CDK12: variants seen among roughly 807,000 people sequenced by gnomAD.
CDK12 encodes cyclin dependent kinase 12.
A neutral mutation model predicts 133.8 loss-of-function variants in CDK12; 17 were observed. The ratio of observed to expected loss-of-function variants is 0.13; its 90% confidence interval spans 0.09 to 0.19. The LOEUF (loss-of-function observed/expected upper bound fraction) is 0.19, where lower values mean the gene tolerates loss of function less well. Ranked by LOEUF, CDK12 falls within the 10% of genes least tolerant of loss-of-function variation. CDK12 has a pLI of 1.00. For missense variants in CDK12, 1,508 were observed against 1,818.7 expected (o/e 0.83, Z 3.11); for synonymous variants, 694 against 683.6 (o/e 1.02, Z -0.24).
chr17:39,531,003 G>A lies in CDK12; in HGVS notation c.4160G>A (p.Ser1387Asn), dbSNP rs2146841075. The part of the protein sequence containing the change: ...SGSLSHLGES[S>N]SYQGTGSVQF... ...TCTCTGAGCCACCTTGGGGAGTCCA[G>A]CAGTTACCAGGGCACAGGGTCAGTG... Residue 1387 changes from serine (S) to asparagine (N), a missense_variant, in exon 14 of 14, where the codon AGC becomes AAC. By Grantham distance (46) the Ser-to-Asn change is conservative. This residue lies in a region of CDK12 where 399 missense variants were observed against 469.6 expected (regional missense o/e 0.85). Transcript: ENST00000447079. 1 of 1,614,228 alleles carries A rather than the reference G, an allele frequency of 6.2e-7. No individual in the cohort carries two copies. Among genetic ancestry groups the A allele is most frequent in the Admixed American group, 1.7e-5 (1 of 60,026 alleles).
At chr17:39,479,357 A>G (rs2145470745) in intron 2 of CDK12, among the ~76,000 whole-genome samples, 1 of 151,186 alleles carries the variant, frequency 6.6e-6, no homozygotes, top group African/African-American at 2.4e-5. Flanking sequence ...GAGCTCACTT[A>G]TATTCTCTGT....
At position 39,517,462 on chromosome 17, in the gene CDK12, C is replaced by G. The variant is rs1457835050; in HGVS notation, c.2869C>G (p.Pro957Ala). The G allele has an allele frequency of 6.2e-7, 1 of 1,612,744 alleles. No homozygotes were observed. The highest frequency in any genetic ancestry group is 8.5e-7 in the Non-Finnish European group (1 of 1,178,860). The part of the protein sequence containing the change: ...LISRLCGSPC[P>A]AVWPDVIKLP... ...CAGCCGACTTTGTGGTAGCCCTTGT[C>G]CAGCTGTGTGGCCTGATGTTATCAA... The change falls in exon 10 of 14, where the codon CCA becomes GCA. Residue 957 changes from proline to alanine, a missense_variant. Transcript: ENST00000447079.
intron 3 of CDK12, among the ~76,000 whole-genome samples, chr17:39,562,180 C>T (rs1284890321): frequency 6.6e-6 from 1 of 152,186 alleles, no homozygotes; most frequent in Non-Finnish European, 1.5e-5. Flanking sequence ...CCTCGTGATC[C>T]ACCCGCCTCA....
intron 13 of CDK12, 190 bp from the exon 14 acceptor site, chr17:39,530,414 C>A: frequency 1.4e-6 from 1 of 692,052 alleles, no homozygotes; most frequent in Non-Finnish European, 2.2e-6. Context: ...CTGTTAGATC[C>A]AGGATGCAAC....
rs551024082 is a variant in CDK12 at position 39,486,697 on chromosome 17, A to C, written c.1932-3860A>C. Among the ~76,000 whole-genome samples, 70 of 152,238 alleles carry C rather than the reference A, an allele frequency of 4.6e-4. No homozygotes were observed. In the South Asian group the frequency reaches 0.013, roughly 28 times the overall value. On this transcript the variant is annotated intron_variant, in intron 2 of 13. Coordinates refer to ENST00000447079, the MANE Select transcript of CDK12 (RefSeq NM_016507.4). ...AAGTTTTTTTTCGCTGAACATCTTA[A>C]AAATTAGAATAATTTAAAAAATCTA...
chr17:39,511,643 T>G lies in CDK12; in HGVS notation c.2768+13T>G, dbSNP rs773061459. On this transcript the variant is annotated intron_variant, in intron 8 of 13. Transcript: ENST00000447079. Reference sequence around the variant, plus strand: ...TTTGGAGCTGTGGGTAAGGTTCTGTTAACTTTTTCTTTTGTCTGTAACTTA... The same window carrying G: ...TTTGGAGCTGTGGGTAAGGTTCTGTGAACTTTTTCTTTTGTCTGTAACTTA... 1 of 1,569,292 alleles carries G rather than the reference T, an allele frequency of 6.4e-7. No individual in the cohort carries two copies. Among genetic ancestry groups the G allele is most frequent in the East Asian group, 2.2e-5 (1 of 44,646 alleles).
chr17:39,497,682 C>T (rs1299581774), intron 5 of CDK12, among the ~76,000 whole-genome samples: 1 of 151,740 alleles, frequency 6.6e-6, no homozygotes, highest in East Asian at 1.9e-4. Flanking sequence ...TAGCTCATTA[C>T]ATCCTCAACC....
intron 2 of CDK12, among the ~76,000 whole-genome samples, chr17:39,555,263 T>A (rs2056110500): frequency 1.3e-5 from 2 of 152,034 alleles, no homozygotes; most frequent in South Asian, 4.1e-4. Context: ...AAAAAATAAA[T>A]TAATTAATTA....
intron 1 of CDK12, among the ~76,000 whole-genome samples, chr17:39,463,875 G>A (rs977356606): frequency 3.9e-5 from 6 of 151,986 alleles, no homozygotes; most frequent in African/African-American, 1.5e-4. Context: ...TGTTGTTAGA[G>A]TGAATTATTT....
chr17:39,491,063 C>T (rs576071854), intron 3 of CDK12, among the ~76,000 whole-genome samples: 33 of 152,086 alleles, frequency 2.2e-4, no homozygotes, highest in South Asian at 1.9e-3. Context: ...ATGTGTCAAT[C>T]GTGTACACAT....
At chr17:39,530,451 T>A (rs1361555620) in intron 13 of CDK12, 153 bp from the exon 14 acceptor site, 15 of 1,129,840 alleles carry the variant, frequency 1.3e-5, no homozygotes, top group Non-Finnish European at 1.8e-5. Context: ...ACTTGATTTA[T>A]TTATAATTGC....
intron 2 of CDK12, among the ~76,000 whole-genome samples, chr17:39,484,422 C>G (rs1331225562): frequency 1.3e-5 from 2 of 152,084 alleles, no homozygotes; most frequent in Non-Finnish European, 2.9e-5. Context: ...AGTATCTGCT[C>G]CCCTATGATA....
downstream of CDK12, among the ~76,000 whole-genome samples, chr17:39,565,548 C>T (rs1464973983): frequency 6.6e-6 from 1 of 152,178 alleles, no homozygotes; most frequent in Non-Finnish European, 1.5e-5. Context: ...ATTCTTCTGC[C>T]TCAGCCTCCC....
intron 2 of CDK12, among the ~76,000 whole-genome samples, chr17:39,553,864 C>T (rs115410220): frequency 0.01 from 1,548 of 152,214 alleles, 25 homozygotes; most frequent in African/African-American, 0.036. Context: ...CTCTCTTTTG[C>T]CCCATATCTC....
intron 5 of CDK12, among the ~76,000 whole-genome samples, chr17:39,495,867 A>G (rs2052065927): frequency 6.6e-6 from 1 of 150,486 alleles, no homozygotes; most frequent in South Asian, 2.1e-4. Flanking sequence ...ATGGAAAACC[A>G]CTGAAGTATT....
At chr17:39,507,840 A>C (rs2053231283) in intron 6 of CDK12, among the ~76,000 whole-genome samples, 1 of 152,168 alleles carries the variant, frequency 6.6e-6, no homozygotes, top group Non-Finnish European at 1.5e-5. Flanking sequence ...CTTTTCTCAC[A>C]ATTTGCTTAT....
chr17:39,466,341 G>A (rs935393569), intron 1 of CDK12, among the ~76,000 whole-genome samples: 1 of 149,306 alleles, frequency 6.7e-6, no homozygotes, highest in East Asian at 2.0e-4. Context: ...AAGGCCAGGC[G>A]CAGTGGATCA....
chr17:39,506,899 T>C (rs2053166667), intron 6 of CDK12, among the ~76,000 whole-genome samples: 2 of 152,128 alleles, frequency 1.3e-5, no homozygotes, highest in Admixed American at 1.3e-4. Flanking sequence ...TTTACTTATT[T>C]TATATTTTAT....
chr17:39,520,691 T>TTTGTTGTTGTTG (rs35166716), intron 11 of CDK12, among the ~76,000 whole-genome samples: 38 of 150,132 alleles, frequency 2.5e-4, no homozygotes, highest in African/African-American at 8.5e-4. Context: ...CCAGCGTGTT[T>TTTGTTGTTGTTG]TTGTTGTTGT....
Sources: gnomAD v4.1 joint callset for allele counts (sites outside exome capture counted in the v4.1 genomes callset) on GRCh38, gnomAD v4.1.1 for gene constraint, gnomAD v4.1.1 regional missense constraint, MANE v1.5 for transcripts, NCBI Gene and HGNC (gene_info 2026-07-23, HGNC 2026-07-21) for gene names.